NEGR1: variants seen among roughly 807,000 people sequenced by gnomAD.
NEGR1 encodes IgLON family member 4.
In NEGR1, 10 loss-of-function variants were observed where a neutral mutation model predicts 40.9. The ratio of observed to expected loss-of-function variants is 0.24; its 90% confidence interval spans 0.15 to 0.42. The LOEUF (loss-of-function observed/expected upper bound fraction) is 0.42, where lower values mean the gene tolerates loss of function less well. NEGR1 is among the 10% of genes least tolerant of loss of function. The pLI, the probability that NEGR1 is intolerant of heterozygous loss-of-function variation, is 1.00. For missense variants in NEGR1, 352 were observed against 438.9 expected (o/e 0.80, Z 1.77); for synonymous variants, 185 against 166.8 (o/e 1.11, Z -0.84).
chr1:71,510,005 GACCATC>G (rs2101414159), intron 6 of NEGR1, among the ~76,000 whole-genome samples: 1 of 152,250 alleles, frequency 6.6e-6, no homozygotes, highest in East Asian at 1.9e-4. Context: ...CCCCAGATGG[GACCATC>G]ACAAAAGCTT....
intron 1 of NEGR1, among the ~76,000 whole-genome samples, chr1:71,988,493 T>C (rs1000686748): frequency 3.0e-5 from 4 of 131,602 alleles, no homozygotes; most frequent in African/African-American, 1.2e-4. Context: ...GAGCCGAGAT[T>C]GCGCCACTGC....
intron 1 of NEGR1, among the ~76,000 whole-genome samples, chr1:72,098,111 G>A (rs776315450): frequency 3.9e-5 from 6 of 152,064 alleles, no homozygotes; most frequent in Non-Finnish European, 5.9e-5. Context: ...CCTATAAAAT[G>A]ATGGAATAAT....
At chr1:71,768,561 A>G (rs922910009) in intron 3 of NEGR1, among the ~76,000 whole-genome samples, 1 of 152,212 alleles carries the variant, frequency 6.6e-6, no homozygotes, top group Non-Finnish European at 1.5e-5. Flanking sequence ...CATAGGAAGA[A>G]GGGACTTGTC....
intron 1 of NEGR1, among the ~76,000 whole-genome samples, chr1:72,244,003 G>A (rs1302606357): frequency 6.6e-6 from 1 of 151,806 alleles, no homozygotes. Flanking sequence ...GTTTATCTAA[G>A]TATAGCATCT....
intron 1 of NEGR1, among the ~76,000 whole-genome samples, chr1:71,988,237 T>C (rs1283499397): frequency 6.6e-6 from 1 of 151,882 alleles, no homozygotes; most frequent in Non-Finnish European, 1.5e-5. Context: ...GAGACATCCA[T>C]GTAAAAGGGA....
intron 1 of NEGR1, among the ~76,000 whole-genome samples, chr1:71,946,735 GA>G (rs951102086): frequency 1.6e-4 from 24 of 151,036 alleles, no homozygotes; most frequent in Admixed American, 1.5e-3. Flanking sequence ...AAATCTAAGT[GA>G]AAAAATATTC....
At chr1:71,524,351 T>TGA (rs1356379743) in intron 6 of NEGR1, among the ~76,000 whole-genome samples, 1 of 150,722 alleles carries the variant, frequency 6.6e-6, no homozygotes, top group South Asian at 2.1e-4. Flanking sequence ...TGTGTGTGTG[T>TGA]GTGTGATATC....
intron 1 of NEGR1, among the ~76,000 whole-genome samples, chr1:72,124,928 G>A (rs1649952046): frequency 6.6e-6 from 1 of 152,008 alleles, no homozygotes; most frequent in East Asian, 1.9e-4. Context: ...GAATTTTAAA[G>A]TGAGTAGTAT....
intron 1 of NEGR1, among the ~76,000 whole-genome samples, chr1:72,051,073 C>T (rs1013301749): frequency 6.6e-6 from 1 of 151,408 alleles, no homozygotes; most frequent in African/African-American, 2.4e-5. Context: ...ATGCACTTAC[C>T]ACATTTTGCC....
chr1:72,162,445 T>C (rs1297050852), intron 1 of NEGR1, among the ~76,000 whole-genome samples: 1 of 151,932 alleles, frequency 6.6e-6, no homozygotes, highest in Non-Finnish European at 1.5e-5. Flanking sequence ...CAGCCTAGGC[T>C]ACAGAGGAAG....
intron 4 of NEGR1, among the ~76,000 whole-genome samples, chr1:71,677,648 A>C (rs921878783): frequency 6.6e-6 from 1 of 152,122 alleles, no homozygotes; most frequent in East Asian, 1.9e-4. Context: ...ATTTAACATA[A>C]ATTAAAATAA....
intron 6 of NEGR1, among the ~76,000 whole-genome samples, chr1:71,471,947 C>T (rs995946673): frequency 3.3e-5 from 5 of 152,088 alleles, no homozygotes; most frequent in African/African-American, 9.7e-5. Context: ...ATCTTATTCT[C>T]TATTCTTCCC....
chr1:71,631,458 C>G (rs1393924101), intron 4 of NEGR1, among the ~76,000 whole-genome samples: 1 of 151,730 alleles, frequency 6.6e-6, no homozygotes, highest in African/African-American at 2.4e-5. Context: ...TGTCATCTAT[C>G]AACAAGAATT....
intron 6 of NEGR1, among the ~76,000 whole-genome samples, chr1:71,416,024 C>T (rs1569846131): frequency 6.6e-6 from 1 of 152,140 alleles, no homozygotes; most frequent in East Asian, 1.9e-4. Context: ...TAGCTTGGGC[C>T]TCTAGGGCAT....
At chr1:71,723,069 A>G (rs1557627716) in intron 3 of NEGR1, among the ~76,000 whole-genome samples, 1 of 151,202 alleles carries the variant, frequency 6.6e-6, no homozygotes, top group African/African-American at 2.4e-5. Context: ...TTGTTCCTCT[A>G]TATTATGTCT....
At chr1:71,939,935 T>G (rs1645944342) in intron 1 of NEGR1, among the ~76,000 whole-genome samples, 1 of 152,170 alleles carries the variant, frequency 6.6e-6, no homozygotes, top group African/African-American at 2.4e-5. Flanking sequence ...GCAAAGGTAC[T>G]GGCAGGTTGT....
At chr1:71,435,639 G>A (rs1024457139) in intron 6 of NEGR1, among the ~76,000 whole-genome samples, 7 of 152,082 alleles carry the variant, frequency 4.6e-5, no homozygotes, top group Non-Finnish European at 1.0e-4. Context: ...AATGCAGTTG[G>A]GCTCATGATT....
At chr1:72,010,290 G>A (rs1375395878) in intron 1 of NEGR1, among the ~76,000 whole-genome samples, 1 of 152,100 alleles carries the variant, frequency 6.6e-6, no homozygotes, top group Non-Finnish European at 1.5e-5. Context: ...GAGGCAGCTC[G>A]AGACAGCTGA....
intron 1 of NEGR1, among the ~76,000 whole-genome samples, chr1:72,165,687 G>C (rs1312616485): frequency 6.6e-6 from 1 of 151,878 alleles, no homozygotes; most frequent in Non-Finnish European, 1.5e-5. Flanking sequence ...TTGTAGCAAG[G>C]CATGGTGTCC....
Sources: allele counts gnomAD v4.1 joint callset (sites outside exome capture counted in the v4.1 genomes callset), GRCh38; gene constraint gnomAD v4.1.1; transcripts MANE v1.5; gene names NCBI Gene and HGNC (gene_info 2026-07-23, HGNC 2026-07-21).